EHD3: variants seen among roughly 807,000 people sequenced by gnomAD.
EHD3 encodes the protein EH domain-containing protein 3.
EHD3 carries 17 observed loss-of-function variants against 43.0 expected under a neutral mutation model. The ratio of observed to expected loss-of-function variants is 0.40; its 90% CI spans 0.27 to 0.59. EHD3 has a LOEUF of 0.59. Ranked by LOEUF, EHD3 falls within the 20% of genes least tolerant of loss-of-function variation. The pLI is 0.49. For missense variants in EHD3, 594 were observed against 705.6 expected, an observed-to-expected ratio of 0.84 and a Z score of 1.79; for synonymous variants, 313 against 289.5, an observed-to-expected ratio of 1.08 and a Z score of -0.82.
Position 31,260,847 on chromosome 2 carries a change from G to T in EHD3, c.840G>T (p.Arg280Ser). The T allele has an allele frequency of 6.2e-7, 1 of 1,614,178 alleles. No homozygotes were observed. Among genetic ancestry groups the T allele is most frequent in the Non-Finnish European group, 8.5e-7 (1 of 1,180,036 alleles). The part of the protein sequence containing the change: ...LFEAEEQDLF[R>S]DIQSLPRNAA... ...AGGCTGAGGAACAGGACCTATTCAG[G>T]GACATCCAGAGTCTGCCCCGAAATG... Residue 280 changes from arginine (R) to serine (S), a missense_variant, in exon 4 of 6, where the codon AGG becomes AGT. Physicochemically the swap from Arg to Ser is moderately radical, Grantham distance 110. Around this residue, in one of 3 missense-constraint regions of EHD3, gnomAD observed 322 missense variants for 348.0 expected, o/e 0.93. Coordinates refer to ENST00000322054, the MANE Select transcript of EHD3 (RefSeq NM_014600.3). This position sits in a 1 kb window ranked among gnomAD's most constrained non-coding sequence, Gnocchi z 4.6.
intron 1 of EHD3, among the ~76,000 whole-genome samples, chr2:31,237,652 A>C (rs1258287803): frequency 6.6e-6 from 1 of 152,012 alleles, no homozygotes; most frequent in Non-Finnish European, 1.5e-5. Flanking sequence ...GGATCCACCC[A>C]CCTCAGCCTC....
Position 31,260,635 on chromosome 2 carries a change from C to T in EHD3, c.628C>T (p.His210Tyr). 2 of 1,614,168 alleles carry T rather than the reference C, an allele frequency of 1.2e-6. No individual in the cohort carries two copies. Among genetic ancestry groups the T allele is most frequent in the African/African-American group, 1.3e-5 (1 of 75,028 alleles). The change falls in exon 4 of 6, where the codon CAC becomes TAC. Residue 210 changes from histidine (H) to tyrosine (Y), a missense_variant. By Grantham distance (83) the His-to-Tyr change is moderately conservative (BLOSUM62 2). Transcript: ENST00000322054. The surrounding 1 kb of genome is among the most constrained non-coding windows in gnomAD (Gnocchi z 4.6). The part of the protein sequence containing the change: ...FSEVIKALKN[H>Y]EDKMRVVLNK... Reference sequence around the variant, plus strand: ...AGAAGTCATCAAAGCCCTCAAGAACCACGAGGACAAGATGCGAGTGGTGCT... The same window carrying T: ...AGAAGTCATCAAAGCCCTCAAGAACTACGAGGACAAGATGCGAGTGGTGCT...
intron 1 of EHD3, among the ~76,000 whole-genome samples, chr2:31,240,636 T>G (rs1242187764): frequency 2.0e-5 from 3 of 152,176 alleles, no homozygotes; most frequent in Non-Finnish European, 4.4e-5. Context: ...GCCCTGTAAC[T>G]TCCCCGGAAG....
At chr2:31,250,343 C>T (rs535505487) in intron 3 of EHD3, among the ~76,000 whole-genome samples, 185 of 150,988 alleles carry the variant, frequency 1.2e-3, no homozygotes, top group African/African-American at 4.2e-3. Context: ...CTCAGCTCAC[C>T]GCAACCTCTG....
chr2:31,246,793 C>T (rs1025329768), intron 2 of EHD3, among the ~76,000 whole-genome samples: 1 of 151,928 alleles, frequency 6.6e-6, no homozygotes, highest in African/African-American at 2.4e-5. Context: ...TTATCTTCAT[C>T]TAGAAAGTGA....
At position 31,266,955 on chromosome 2, in the gene EHD3, C is replaced by G. The variant is rs1056437140; in HGVS notation, c.*251C>G. ...GGCCCCAGAGTCTAAGCCTAAGTCT[C>G]TATCGCTCTTCCCCTCTCCTCGGCC... On this transcript the variant is annotated 3_prime_UTR_variant, in exon 6 of 6. Coordinates refer to ENST00000322054, the MANE Select transcript of EHD3 (RefSeq NM_014600.3). The surrounding 1 kb of genome is among the most constrained non-coding windows in gnomAD (Gnocchi z 5.1). 63 of 502,290 alleles carry G rather than the reference C, an allele frequency of 1.3e-4. No individual in the cohort carries two copies. Among genetic ancestry groups the G allele is most frequent in the Non-Finnish European group, 2.1e-4 (60 of 286,912 alleles). 31.1% of individuals were successfully genotyped at this position (502,290 alleles called of 1,614,324 possible).
chr2:31,238,202 G>A (rs1015641397), intron 1 of EHD3, among the ~76,000 whole-genome samples: 9 of 152,112 alleles, frequency 5.9e-5, no homozygotes, highest in Non-Finnish European at 1.2e-4. Context: ...GGATAAGTGC[G>A]TCCATGCCTA....
chr2:31,234,618 C>A lies in EHD3; in HGVS notation c.-4C>A, dbSNP rs1683288099. 1 of 1,613,326 alleles carries A rather than the reference C, an allele frequency of 6.2e-7. No individual in the cohort carries two copies. Among genetic ancestry groups the A allele is most frequent in the African/African-American group, 1.3e-5 (1 of 75,054 alleles). ...CTGCGTGCCGGGGGCGAGCGGCGGC[C>A]GCGATGTTCAGCTGGCTGGGTACGG... On this transcript the variant is annotated 5_prime_UTR_variant, in exon 1 of 6. Transcript: ENST00000322054.
Position 31,234,659 on chromosome 2 carries a change from A to G in EHD3, c.38A>G (p.Lys13Arg). 1.2e-6 allele frequency: 2 copies of G among 1,614,128 alleles called. No homozygotes were observed. The highest frequency in any genetic ancestry group is 1.7e-6 in the Non-Finnish European group (2 of 1,180,012). ...CTGGGTACGGACGACCGCCGGAGGAAGGACCCCGAGGTTTTCCAGACGGTG... is the reference window on the plus strand; with the variant it reads ...CTGGGTACGGACGACCGCCGGAGGAGGGACCCCGAGGTTTTCCAGACGGTG... ...SWLGTDDRRR[K>R]DPEVFQTVSE... The change falls in exon 1 of 6, where the codon AAG becomes AGG. Residue 13 changes from lysine to arginine, a missense_variant. Physicochemically the swap from Lys to Arg is conservative, Grantham distance 26. This residue lies in a region of EHD3 where 243 missense variants were observed against 296.7 expected (regional missense o/e 0.82). Coordinates refer to ENST00000322054, the MANE Select transcript of EHD3 (RefSeq NM_014600.3).
intron 3 of EHD3, among the ~76,000 whole-genome samples, chr2:31,253,240 C>T (rs1183794283): frequency 1.0e-5 from 1 of 95,336 alleles, no homozygotes; most frequent in Non-Finnish European, 1.9e-5. Flanking sequence ...CCACAGCAAC[C>T]CCCTCCCACA....
At chr2:31,249,607 A>C in intron 3 of EHD3, 139 bp downstream of exon 3, 1 of 756,818 alleles carries the variant, frequency 1.3e-6, no homozygotes. Context: ...GTGTGGGATC[A>C]TTTTACCTGG....
chr2:31,240,680 T>G (rs1683406032), intron 1 of EHD3, among the ~76,000 whole-genome samples: 1 of 152,218 alleles, frequency 6.6e-6, no homozygotes, highest in Non-Finnish European at 1.5e-5. Flanking sequence ...TTCACTCATC[T>G]GCTGAGAACA....
In EHD3 at chr2:31,261,730, T is replaced by TCC; in HGVS notation, c.1080+18_1080+19insCC. 2 of 1,612,616 alleles carry TCC rather than the reference T, an allele frequency of 1.2e-6. No individual in the cohort carries two copies. Among genetic ancestry groups the TCC allele is most frequent in the Non-Finnish European group, 1.7e-6 (2 of 1,179,228 alleles). On this transcript the variant is annotated intron_variant, in intron 5 of 5. Coordinates refer to ENST00000322054, the MANE Select transcript of EHD3 (RefSeq NM_014600.3). ...AGGATGCAGGTAGCGAGGGCTGGGG[T>TCC]CTCTAAGACAAGGGACAGTGTCCCG...
At chr2:31,242,426 A>G (rs1258556704) in intron 1 of EHD3, among the ~76,000 whole-genome samples, 1 of 152,232 alleles carries the variant, frequency 6.6e-6, no homozygotes, top group African/African-American at 2.4e-5. Context: ...AAACACATTT[A>G]AAAACATAGC....
intron 3 of EHD3, among the ~76,000 whole-genome samples, chr2:31,251,816 T>C (rs377551757): frequency 6.6e-6 from 1 of 152,098 alleles, no homozygotes; most frequent in East Asian, 1.9e-4. Context: ...ACGGGTGGTT[T>C]TTCTGTCTTG....
intron 5 of EHD3, among the ~76,000 whole-genome samples, chr2:31,265,088 A>T (rs1003659934): frequency 6.6e-6 from 1 of 152,170 alleles, no homozygotes; most frequent in Non-Finnish European, 1.5e-5. Context: ...CTTGAGAGAT[A>T]GTAATACACA....
At chr2:31,264,718 G>A (rs914576836) in intron 5 of EHD3, among the ~76,000 whole-genome samples, 5 of 151,706 alleles carry the variant, frequency 3.3e-5, no homozygotes, top group Non-Finnish European at 7.4e-5. Context: ...AATTTTAGTA[G>A]AGACGGGGTT....
chr2:31,257,227 C>T (rs1044265262), intron 3 of EHD3, among the ~76,000 whole-genome samples: 1 of 152,180 alleles, frequency 6.6e-6, no homozygotes, highest in Non-Finnish European at 1.5e-5. Flanking sequence ...CCCTCCCTAC[C>T]CACAGCTCTG....
chr2:31,245,735 GTTT>G (rs765195110), intron 2 of EHD3, among the ~76,000 whole-genome samples: 1 of 68,318 alleles, frequency 1.5e-5, no homozygotes, highest in African/African-American at 5.9e-5. Flanking sequence ...CTAATTTTGT[GTTT>G]TTTTTTTTTT....
Sources: gnomAD v4.1 joint callset for allele counts (sites outside exome capture counted in the v4.1 genomes callset) on GRCh38, gnomAD v4.1.1 for gene constraint, gnomAD v4.1.1 regional missense constraint, Gnocchi (gnomAD v3.1) non-coding constraint, MANE v1.5 for transcripts, NCBI Gene and HGNC (gene_info 2026-07-23, HGNC 2026-07-21) for gene names.